The following GBE1 variants were observed in gnomAD, a reference collection of about 807,000 sequenced individuals.
GBE1 encodes 1,4-alpha-glucan-branching enzyme.
A neutral mutation model predicts 88.8 loss-of-function variants in GBE1; 70 were observed. The ratio of observed to expected loss-of-function variants is 0.79; its 90% CI spans 0.65 to 0.96. GBE1 has a LOEUF of 0.96. GBE1 is among the 40% of genes least tolerant of loss of function. The pLI is 0.00. For synonymous variants in GBE1, 284 were observed against 300.1 expected (o/e 0.95, Z 0.56); for missense variants, 872 against 871.0 (o/e 1.00, Z -0.01).
intron 1 of GBE1, among the ~76,000 whole-genome samples, chr3:81,736,580 C>T (rs1022060446): frequency 1.3e-5 from 2 of 152,144 alleles, no homozygotes; most frequent in African/African-American, 2.4e-5. Context: ...CAATTATCCC[C>T]GTGAAAGACT....
intron 7 of GBE1, chr3:81,613,146 GTC>G: frequency 3.3e-6 from 1 of 304,096 alleles, no homozygotes; most frequent in Non-Finnish European, 5.9e-6. Flanking sequence ...GCAAGCTGCA[GTC>G]TTTTTTTTTT....
intron 14 of GBE1, among the ~76,000 whole-genome samples, chr3:81,519,136 T>C (rs192070774): frequency 4.6e-5 from 7 of 151,784 alleles, no homozygotes; most frequent in Admixed American, 3.3e-4. Flanking sequence ...AAGCAACTCA[T>C]AGCAACATCT....
At chr3:81,673,661 A>G (rs1371555109) in intron 2 of GBE1, among the ~76,000 whole-genome samples, 1 of 151,948 alleles carries the variant, frequency 6.6e-6, no homozygotes, top group East Asian at 1.9e-4. Flanking sequence ...TAAATAAGCA[A>G]AGTATTAATA....
At chr3:81,511,687 G>A (rs956282855) in intron 14 of GBE1, among the ~76,000 whole-genome samples, 1 of 151,894 alleles carries the variant, frequency 6.6e-6, no homozygotes, top group African/African-American at 2.4e-5. Context: ...AAAAACAACA[G>A]ATGCTGACAA....
rs938955105 is a variant in GBE1 at position 81,591,140 on chromosome 3, C to T, written c.1133G>A (p.Ser378Asn). The T allele has an allele frequency of 1.2e-6, 2 of 1,603,896 alleles. No homozygotes were observed. Among genetic ancestry groups the T allele is most frequent in the Non-Finnish European group, 1.7e-6 (2 of 1,174,326 alleles). The change falls in exon 9 of 16, where the codon AGT becomes AAT. Residue 378 changes from serine to asparagine, a missense_variant. Transcript: ENST00000429644. The stretch of plus-strand genomic sequence containing the variant: ...ATCTACTTGTAGTCCGAAATATTCA[C>T]TGTAATCACCTGAGAAACCTTGACC... ...GVGQGFSGDY[S>N]EYFGLQVDED...
At chr3:81,498,748 A>T (rs998443983) in intron 15 of GBE1, among the ~76,000 whole-genome samples, 1 of 152,200 alleles carries the variant, frequency 6.6e-6, no homozygotes, top group African/African-American at 2.4e-5. Context: ...GCTTAATATA[A>T]AATGTTATGG....
intron 3 of GBE1, among the ~76,000 whole-genome samples, chr3:81,669,635 C>T (rs202211511): frequency 6.7e-6 from 1 of 150,264 alleles, no homozygotes; most frequent in Admixed American, 6.6e-5. Context: ...AAAAAAAAAA[C>T]ACACACACAC....
Position 81,670,967 on chromosome 3 carries a change from G to C in GBE1, c.314-14C>G. ...GATTCCAACCATCTAAAAAAATGAA[G>C]AAGATCAGTTAACAACAGCATGATA... On this transcript the variant is annotated splice_polypyrimidine_tract_variant and intron_variant, in intron 2 of 15. Coordinates refer to ENST00000429644, the MANE Select transcript of GBE1 (RefSeq NM_000158.4). 1 of 1,364,852 alleles carries C rather than the reference G, an allele frequency of 7.3e-7. No homozygotes were observed. The highest frequency in any genetic ancestry group is 1.0e-6 in the Non-Finnish European group (1 of 990,454). 84.5% of individuals were successfully genotyped at this position (1,364,852 alleles called of 1,614,324 possible).
intron 2 of GBE1, among the ~76,000 whole-genome samples, chr3:81,678,108 T>C (rs989238673): frequency 6.6e-6 from 1 of 152,236 alleles, no homozygotes; most frequent in Non-Finnish European, 1.5e-5. Flanking sequence ...AATATACTTA[T>C]GCCGGCCTAC....
intron 2 of GBE1, among the ~76,000 whole-genome samples, chr3:81,678,174 T>A (rs927628633): frequency 6.6e-6 from 1 of 152,226 alleles, no homozygotes; most frequent in East Asian, 1.9e-4. Flanking sequence ...GTTCCTAGAC[T>A]ACAAACCTGT....
intron 15 of GBE1, among the ~76,000 whole-genome samples, chr3:81,498,412 G>C (rs1702543960): frequency 6.6e-6 from 1 of 152,046 alleles, no homozygotes; most frequent in Non-Finnish European, 1.5e-5. Context: ...GGTAGATGTG[G>C]TTTTGAACCT....
chr3:81,722,915 TAC>T (rs66966040), intron 1 of GBE1, among the ~76,000 whole-genome samples: 18,237 of 145,364 alleles, frequency 0.13, 1,207 homozygotes, highest in Non-Finnish European at 0.16. Context: ...TATATATATA[TAC>T]ACACAAGTAA....
intron 14 of GBE1, chr3:81,534,954 T>A (rs908047612): frequency 5.3e-6 from 2 of 378,374 alleles, no homozygotes; most frequent in African/African-American, 2.2e-5. Context: ...TTTCCTTTGA[T>A]GTGAACCACG....
chr3:81,604,224 T>G (rs900367196), intron 7 of GBE1, among the ~76,000 whole-genome samples: 1 of 151,950 alleles, frequency 6.6e-6, no homozygotes, highest in African/African-American at 2.4e-5. Flanking sequence ...TGAACTAAAT[T>G]AATAATGTAC....
rs772442784 is a variant in GBE1, at chr3:81,593,978, C to T, written c.1038G>A (p.Leu346=). The T allele has an allele frequency of 3.8e-6, 6 of 1,583,298 alleles. No individual in the cohort carries two copies. The Admixed American group carries it at 1.1e-4, about 28-fold the overall frequency. The part of the protein sequence containing the change: ...RFLLSNIRWW[L]EEYRFDGFRF... ...GAAATCCATCAAAGCGATATTCTTC[C>T]AACCACCATCTTATGTTTGACAGAA... The change falls in exon 8 of 16, where the codon TTG becomes TTA. Residue 346 remains leucine (L), a synonymous_variant. Coordinates refer to ENST00000429644, the MANE Select transcript of GBE1 (RefSeq NM_000158.4).
At chr3:81,647,932 C>T (rs900558802) in intron 5 of GBE1, among the ~76,000 whole-genome samples, 3 of 151,998 alleles carry the variant, frequency 2.0e-5, no homozygotes, top group Non-Finnish European at 4.4e-5. Context: ...TGCTGCTGAA[C>T]GTTCTGCAAG....
chr3:81,669,921 A>C (rs1220573219), intron 3 of GBE1, among the ~76,000 whole-genome samples: 1 of 152,162 alleles, frequency 6.6e-6, no homozygotes, highest in Non-Finnish European at 1.5e-5. Flanking sequence ...CTACAAAATA[A>C]ACATACTGTG....
At chr3:81,505,965 A>G (rs1404785858) in intron 14 of GBE1, among the ~76,000 whole-genome samples, 1 of 152,146 alleles carries the variant, frequency 6.6e-6, no homozygotes. Flanking sequence ...CCAAAACTAT[A>G]AAAACCCTGA....
rs878918615 is a variant in GBE1, at chr3:81,642,854, C to G, written c.919G>C (p.Asp307His). ...GGTCCAGAATGAAAATAACAGGAAT[C>G]TGTCCCATCAAACATATTCAATCCA... ...ADGLNMFDGT[D>H]SCYFHSGPRG... The change falls in exon 7 of 16, where the codon GAT becomes CAT. Residue 307 changes from aspartate to histidine, a missense_variant. By Grantham distance (81) the Asp-to-His change is moderately conservative (BLOSUM62 -1). Transcript: ENST00000429644. 6.2e-6 allele frequency: 10 copies of G among 1,613,080 alleles called. No homozygotes were observed. The highest frequency in any genetic ancestry group is 8.5e-6 in the Non-Finnish European group (10 of 1,179,250).
Sources: gnomAD v4.1 joint callset for allele counts (sites outside exome capture counted in the v4.1 genomes callset) on GRCh38, gnomAD v4.1.1 for gene constraint, MANE v1.5 for transcripts, NCBI Gene and HGNC (gene_info 2026-07-23, HGNC 2026-07-21) for gene names.